The following C2CD3 variants were observed in gnomAD, a reference collection of about 807,000 sequenced individuals.
C2CD3 encodes the protein C2 domain-containing protein 3.
In C2CD3, 148 loss-of-function variants were observed where a neutral mutation model predicts 234.0. The observed-to-expected ratio is 0.63, with a 90% CI of 0.55 to 0.72. The LOEUF (loss-of-function observed/expected upper bound fraction) is 0.72, where lower values mean the gene tolerates loss of function less well. Ranked by LOEUF, C2CD3 falls within the 30% of genes least tolerant of loss-of-function variation. C2CD3 has a pLI of 0.00. For missense variants in C2CD3, 2,577 were observed against 2,811.5 expected (o/e 0.92, Z 1.89); for synonymous variants, 1,000 against 1,035.4 (o/e 0.97, Z 0.66).
At position 74,074,434 on chromosome 11, in the gene C2CD3, AT is replaced by A. The variant is rs143731876; in HGVS notation, c.4769del (p.Asp1590ValfsTer34). 6.2e-7 allele frequency: 1 copy of A among 1,614,198 alleles called. No individual in the cohort carries two copies. Among genetic ancestry groups the A allele is most frequent in the African/African-American group, 1.3e-5 (1 of 75,058 alleles). ...SESEQLPRRNDEVQLSPPEVI... is the reference protein window; with the variant it reads ...SESEQLPRRNXEVQLSPPEVI... ...CTTCTGGTGGAGAGAGCTGGACCTC[AT>A]CATTCCTTCTGGGGAGCTGCTCAGA... On this transcript the variant is annotated frameshift_variant, in exon 24 of 33. Transcript: ENST00000334126. LOFTEE classifies it high-confidence loss of function.
At chr11:74,151,305 CTTTATTTA>C (rs202206182) in intron 3 of C2CD3, among the ~76,000 whole-genome samples, 18 of 133,292 alleles carry the variant, frequency 1.4e-4, no homozygotes, top group East Asian at 4.9e-4. Flanking sequence ...ATCCAACACT[CTTTATTTA>C]TTTATTTATT....
intron 15 of C2CD3, 130 bp downstream of exon 15, chr11:74,100,395 C>G (rs1349842649): frequency 1.2e-6 from 1 of 804,894 alleles, no homozygotes; most frequent in East Asian, 2.6e-5. Flanking sequence ...AGCAGCAACT[C>G]TGTTGAAACT....
At position 74,117,740 on chromosome 11, in the gene C2CD3, G is replaced by A. The variant is rs184630557; in HGVS notation, c.1520+488C>T. On this transcript the variant is annotated intron_variant, in intron 9 of 32. Transcript: ENST00000334126. ...ACCAACCTGACCAACATGGAGAAAC[G>A]CCGTCTCTACTAAAAATACAAAATT... is the stretch of plus-strand genomic sequence containing the variant. Among the ~76,000 whole-genome samples the A allele has an allele frequency of 8.3e-4, 126 of 151,794 alleles. 1 individual carries two copies. Among genetic ancestry groups the A allele is most frequent in the African/African-American group, 2.9e-3 (120 of 41,414 alleles).
chr11:74,048,098 C>G, intron 28 of C2CD3, 107 bp downstream of exon 28: 1 of 1,214,088 alleles, frequency 8.2e-7, no homozygotes, highest in African/African-American at 1.5e-5. Context: ...AAAGCTCTTA[C>G]CCTGTCTTGT....
chr11:74,158,174 T>C (rs904553113), intron 3 of C2CD3, among the ~76,000 whole-genome samples: 11 of 151,778 alleles, frequency 7.2e-5, no homozygotes, highest in African/African-American at 1.5e-4. Flanking sequence ...AAAGCAAAAA[T>C]AGACAAATGG....
In C2CD3 at chr11:74,042,148, A is replaced by G. The variant is rs1953094328; in HGVS notation, c.5566T>C (p.Ser1856Pro). 6.2e-7 allele frequency: 1 copy of G among 1,610,922 alleles called. No homozygotes were observed. The highest frequency in any genetic ancestry group is 8.5e-7 in the Non-Finnish European group (1 of 1,178,974). ...GGTGCCTCTCCCTGAAGATGCAGGG[A>G]TTCATGAAACCGGCGAATGTTCTGC... ...HVQNIRRFHE[S>P]LHLQGEAPLP... Residue 1856 changes from serine (S) to proline (P), a missense_variant, in exon 29 of 33, where the codon TCC becomes CCC. Physicochemically the swap from Ser to Pro is moderately conservative, Grantham distance 74 (BLOSUM62 -1). Coordinates refer to ENST00000334126, the MANE Select transcript of C2CD3 (RefSeq NM_001286577.2).
chr11:74,150,508 AAAAAAAAC>A lies in C2CD3; in HGVS notation c.484-10688_484-10681del, dbSNP rs1179739994. Among the ~76,000 whole-genome samples, 94 of 76,224 alleles carry A rather than the reference AAAAAAAAC, an allele frequency of 1.2e-3. 1 individual carries two copies. The highest frequency in any genetic ancestry group is 4.3e-3 in the African/African-American group (87 of 20,266). 50.0% of individuals were successfully genotyped at this position (76,224 alleles called of 152,430 possible). On this transcript the variant is annotated intron_variant, in intron 3 of 32. Coordinates refer to ENST00000334126, the MANE Select transcript of C2CD3 (RefSeq NM_001286577.2). ...ACCCTGTCTCAAAAAAAAAAAAAAA[AAAAAAAAC>A]AAAAAAAAAACAAAACAAATTTCTA...
intron 28 of C2CD3, among the ~76,000 whole-genome samples, chr11:74,043,323 C>T (rs1953166153): frequency 6.6e-6 from 1 of 152,232 alleles, no homozygotes; most frequent in South Asian, 2.1e-4. Context: ...ATCAGTCCTT[C>T]ATTCCTTTTT....
In C2CD3 at chr11:74,168,518, T is replaced by G. The variant is rs781189857; in HGVS notation, c.151A>C (p.Lys51Gln). The part of the protein sequence containing the change: ...LKLTVNRVIW[K>Q]IAKPPTCVLV... ...ACACAAGTGGGAGGCTTTGCAATCT[T>G]CCATATGACTCTATTAACAGTAAGT... Residue 51 changes from lysine (K) to glutamine (Q), a missense_variant, in exon 2 of 33, where the codon AAG (lysine) becomes CAG (glutamine). Lys to Gln is a moderately conservative substitution (Grantham distance 53). Transcript: ENST00000334126. 1 of 1,614,072 alleles carries G rather than the reference T, an allele frequency of 6.2e-7. No individual in the cohort carries two copies. The highest frequency in any genetic ancestry group is 1.3e-5 in the African/African-American group (1 of 74,936).
intron 31 of C2CD3, among the ~76,000 whole-genome samples, chr11:74,031,885 T>C (rs1214713590): frequency 6.6e-6 from 1 of 152,040 alleles, no homozygotes; most frequent in African/African-American, 2.4e-5. Context: ...CACAAGGAGG[T>C]CTATTTTCAA....
intron 29 of C2CD3, among the ~76,000 whole-genome samples, chr11:74,038,565 CAT>C (rs1311249574): frequency 1.3e-5 from 2 of 152,142 alleles, no homozygotes; most frequent in African/African-American, 4.8e-5. Flanking sequence ...ATGCTTTTTC[CAT>C]ATGAGATGGA....
intron 32 of C2CD3, among the ~76,000 whole-genome samples, chr11:74,017,724 A>G (rs1455056186): frequency 1.3e-5 from 2 of 152,194 alleles, no homozygotes; most frequent in Non-Finnish European, 2.9e-5. Context: ...TCTATAAACC[A>G]CGGGCTTATC....
intron 19 of C2CD3, 135 bp from the exon 20 acceptor site, chr11:74,091,071 C>G: frequency 1.2e-6 from 1 of 804,186 alleles, no homozygotes; most frequent in Non-Finnish European, 1.9e-6. Context: ...AGAATCTGTC[C>G]TTGTCATAAT....
chr11:74,123,704 ACTC>A (rs759778150), intron 7 of C2CD3, among the ~76,000 whole-genome samples: 18 of 142,876 alleles, frequency 1.3e-4, no homozygotes, highest in Non-Finnish European at 2.8e-4. Context: ...AGGAACAAAT[ACTC>A]CTTTTTTTTT....
At chr11:74,164,640 T>A (rs961714867) in intron 2 of C2CD3, among the ~76,000 whole-genome samples, 1 of 152,232 alleles carries the variant, frequency 6.6e-6, no homozygotes, top group East Asian at 1.9e-4. Flanking sequence ...TTATTTCTCC[T>A]ACTGTATTTT....
At chr11:74,042,655 TG>T (rs1471733583) in intron 28 of C2CD3, among the ~76,000 whole-genome samples, 1 of 151,684 alleles carries the variant, frequency 6.6e-6, no homozygotes, top group Non-Finnish European at 1.5e-5. Flanking sequence ...CCAGAGGCCA[TG>T]GCAGGAGAAT....
Position 74,078,233 on chromosome 11 carries a change from C to A in C2CD3, c.4485G>T (p.Trp1495Cys), listed in dbSNP as rs1236605474. The change falls in exon 23 of 33, where the codon TGG becomes TGT. Residue 1495 changes from tryptophan to cysteine, a missense_variant. Physicochemically the swap from Trp to Cys is radical, Grantham distance 215. Transcript: ENST00000334126. The stretch of plus-strand genomic sequence containing the variant: ...CCACACTGTCATTGCCATAAGCTCG[C>A]CACACTTGGATCTCTAGCCTCTCCT... ...FREERLEIQV[W>C]RAYGNDSVER... The A allele has an allele frequency of 6.2e-7, 1 of 1,613,976 alleles. No individual in the cohort carries two copies. The highest frequency in any genetic ancestry group is 8.5e-7 in the Non-Finnish European group (1 of 1,180,034).
intron 5 of C2CD3, 102 bp downstream of exon 5, chr11:74,138,618 T>C: frequency 1.1e-6 from 1 of 889,414 alleles, no homozygotes; most frequent in Admixed American, 2.1e-5. Flanking sequence ...TTATTTGACT[T>C]AGTTCAAACA....
intron 24 of C2CD3, among the ~76,000 whole-genome samples, chr11:74,069,884 T>A (rs145255101): frequency 3.9e-5 from 6 of 152,114 alleles, no homozygotes; most frequent in Non-Finnish European, 7.4e-5. Flanking sequence ...GTCACACCTG[T>A]ACAAGGTGAG....
Sources: gnomAD v4.1 joint callset for allele counts (sites outside exome capture counted in the v4.1 genomes callset) on GRCh38, gnomAD v4.1.1 for gene constraint, MANE v1.5 for transcripts, NCBI Gene and HGNC (gene_info 2026-07-23, HGNC 2026-07-21) for gene names.